KCNQ3: variants seen among roughly 807,000 people sequenced by gnomAD.
KCNQ3 encodes the protein potassium voltage-gated channel subfamily KQT member 3.
KCNQ3 carries 30 observed loss-of-function variants against 92.5 expected under a neutral mutation model. The ratio of observed to expected loss-of-function variants is 0.32; its 90% CI spans 0.24 to 0.44. KCNQ3 has a LOEUF of 0.44. Among genes scored for constraint, KCNQ3 ranks in the 20% least tolerant of loss-of-function variants. KCNQ3 has a pLI of 1.00. For missense variants in KCNQ3, 913 were observed against 1,140.3 expected, an observed-to-expected ratio of 0.80 and a Z score of 2.87; for synonymous variants, 450 against 468.8, an observed-to-expected ratio of 0.96 and a Z score of 0.52.
At chr8:132,299,352 C>T (rs1406740411) in intron 1 of KCNQ3, among the ~76,000 whole-genome samples, 1 of 152,144 alleles carries the variant, frequency 6.6e-6, no homozygotes, top group Non-Finnish European at 1.5e-5. Context: ...GGATTACACA[C>T]TCTCCTACAT....
intron 1 of KCNQ3, among the ~76,000 whole-genome samples, chr8:132,385,935 C>CA (rs34547446): frequency 0.16 from 24,035 of 146,808 alleles, 2,223 homozygotes; most frequent in African/African-American, 0.27. Context: ...TCTATCCGGG[C>CA]AAAAAAAAAA....
intron 1 of KCNQ3, among the ~76,000 whole-genome samples, chr8:132,352,662 C>T (rs932724370): frequency 1.3e-5 from 2 of 152,204 alleles, no homozygotes; most frequent in Non-Finnish European, 2.9e-5. Flanking sequence ...CCAAAGGGCT[C>T]ATCCTTTTCC....
At chr8:132,366,131 C>T (rs1293392971) in intron 1 of KCNQ3, among the ~76,000 whole-genome samples, 1 of 152,194 alleles carries the variant, frequency 6.6e-6, no homozygotes, top group African/African-American at 2.4e-5. Context: ...TAGTCTCTCC[C>T]ATTTATTTAG....
chr8:132,309,639 G>A (rs1296459704), intron 1 of KCNQ3, among the ~76,000 whole-genome samples: 9 of 152,190 alleles, frequency 5.9e-5, no homozygotes, highest in Non-Finnish European at 1.2e-4. Context: ...CCACACACTA[G>A]AAATCCCCTC....
intron 1 of KCNQ3, among the ~76,000 whole-genome samples, chr8:132,421,600 C>T (rs1257944731): frequency 6.6e-6 from 1 of 152,130 alleles, no homozygotes; most frequent in Non-Finnish European, 1.5e-5. Context: ...TAACAGATGA[C>T]AGGTGAAAGT....
intron 1 of KCNQ3, among the ~76,000 whole-genome samples, chr8:132,329,764 A>G (rs1818176532): frequency 6.6e-6 from 1 of 152,198 alleles, no homozygotes; most frequent in South Asian, 2.1e-4. Context: ...ACTCTAGAGG[A>G]CAAACAAAGC....
At chr8:132,249,757 G>A (rs1416964109) in intron 1 of KCNQ3, among the ~76,000 whole-genome samples, 1 of 152,190 alleles carries the variant, frequency 6.6e-6, no homozygotes, top group African/African-American at 2.4e-5. Flanking sequence ...CACGGCTAGG[G>A]GGAGGCTCGG....
intron 13 of KCNQ3, 110 bp downstream of exon 13, chr8:132,134,180 A>T: frequency 2.5e-6 from 2 of 813,708 alleles, no homozygotes; most frequent in Non-Finnish European, 4.4e-6. Flanking sequence ...CATTTTACTT[A>T]GGAGAGTGAC....
chr8:132,213,631 C>G (rs2130308926), intron 1 of KCNQ3, among the ~76,000 whole-genome samples: 1 of 152,320 alleles, frequency 6.6e-6, no homozygotes, highest in South Asian at 2.1e-4. Flanking sequence ...CTGTTCCTCC[C>G]TGGCTCAAAG....
In KCNQ3 at chr8:132,170,233, GAA is replaced by G; in HGVS notation, c.1235+99_1235+100del. The G allele has an allele frequency of 4.7e-6, 4 of 851,040 alleles. No homozygotes were observed. In the South Asian group the frequency reaches 5.4e-5, roughly 12 times the overall value. 52.7% of individuals were successfully genotyped at this position (851,040 alleles called of 1,614,324 possible). On this transcript the variant is annotated intron_variant, in intron 8 of 14. Transcript: ENST00000388996. ...AGCCCAAATTGGGGAACATTGCCCT[GAA>G]GAGTGTTCTCCAGGGACCCGTGAGG...
chr8:132,171,286 A>T (rs1002972889), intron 7 of KCNQ3, among the ~76,000 whole-genome samples: 4 of 152,116 alleles, frequency 2.6e-5, no homozygotes, highest in Non-Finnish European at 5.9e-5. Flanking sequence ...ATGCGGGATG[A>T]CATCATGCAC....
chr8:132,303,732 A>C (rs1478706674), intron 1 of KCNQ3, among the ~76,000 whole-genome samples: 8 of 141,918 alleles, frequency 5.6e-5, no homozygotes, highest in Non-Finnish European at 1.2e-4. Context: ...ATATATGTAC[A>C]TGCCACACAT....
chr8:132,435,509 T>C (rs1036981268), intron 1 of KCNQ3, among the ~76,000 whole-genome samples: 1 of 152,192 alleles, frequency 6.6e-6, no homozygotes, highest in Non-Finnish European at 1.5e-5. Context: ...AGACTGCCTT[T>C]GGTGCATTCA....
At chr8:132,177,874 T>G (rs1264253556) in intron 4 of KCNQ3, among the ~76,000 whole-genome samples, 1 of 152,188 alleles carries the variant, frequency 6.6e-6, no homozygotes, top group Non-Finnish European at 1.5e-5. Flanking sequence ...AGCACAGCTT[T>G]CGGGAGGACT....
chr8:132,132,462 C>A (rs1349765810), intron 13 of KCNQ3, among the ~76,000 whole-genome samples, 198 bp from the exon 14 acceptor site: 1 of 152,252 alleles, frequency 6.6e-6, no homozygotes, highest in African/African-American at 2.4e-5. Flanking sequence ...ACACTGGTAT[C>A]TCATGTTTAC....
intron 1 of KCNQ3, among the ~76,000 whole-genome samples, chr8:132,278,612 G>A (rs1816415914): frequency 6.6e-6 from 1 of 152,214 alleles, no homozygotes; most frequent in Admixed American, 6.5e-5. Context: ...ATAAGAACAA[G>A]ATCCACCTTC....
chr8:132,178,981 G>A (rs972732443), intron 4 of KCNQ3, among the ~76,000 whole-genome samples: 1 of 144,400 alleles, frequency 6.9e-6, no homozygotes, highest in African/African-American at 2.6e-5. Flanking sequence ...ACAGCATCTA[G>A]TATGCCTACC....
At chr8:132,435,862 C>T (rs891879704) in intron 1 of KCNQ3, among the ~76,000 whole-genome samples, 1 of 152,160 alleles carries the variant, frequency 6.6e-6, no homozygotes, top group East Asian at 1.9e-4. Flanking sequence ...AGGCTCTCAG[C>T]CTTTATTCAC....
At chr8:132,264,619 C>G (rs551534952) in intron 1 of KCNQ3, among the ~76,000 whole-genome samples, 2 of 152,270 alleles carry the variant, frequency 1.3e-5, no homozygotes, top group African/African-American at 4.8e-5. Flanking sequence ...GCCAGGAGTC[C>G]CACCCTAGAA....
Sources: gnomAD v4.1 joint callset for allele counts (sites outside exome capture counted in the v4.1 genomes callset) on GRCh38, gnomAD v4.1.1 for gene constraint, MANE v1.5 for transcripts, NCBI Gene and HGNC (gene_info 2026-07-23, HGNC 2026-07-21) for gene names.